The following TBC1D30 variants were observed in gnomAD, a reference collection of about 807,000 sequenced individuals.
The protein encoded by TBC1D30 is TBC1 domain family member 30, also known as TBC1 domain family, member 30.
TBC1D30 carries 31 observed loss-of-function variants against 63.2 expected under a neutral mutation model. That is an observed-to-expected ratio of 0.49 (90% CI 0.37 to 0.66). The LOEUF (loss-of-function observed/expected upper bound fraction) is 0.66. Among genes scored for constraint, TBC1D30 ranks in the 30% least tolerant of loss-of-function variants. The pLI is 0.00. For synonymous variants in TBC1D30, 307 were observed against 361.5 expected, an observed-to-expected ratio of 0.85 and a Z score of 1.71; for missense variants, 810 against 953.6, an observed-to-expected ratio of 0.85 and a Z score of 1.98.
chr12:64,801,668 A>T lies in TBC1D30; in HGVS notation c.643+15623A>T, dbSNP rs565624090. Reference sequence around the variant, plus strand: ...TTAAAAGCATTTTGAGAGTATAGCAATTATCCAGTAAACATTTATTAATTG... The same window carrying T: ...TTAAAAGCATTTTGAGAGTATAGCATTTATCCAGTAAACATTTATTAATTG... On this transcript the variant is annotated intron_variant, in intron 2 of 12. Transcript: ENST00000542120. Among the ~76,000 whole-genome samples, 12 of 152,336 alleles carry T rather than the reference A, an allele frequency of 7.9e-5. No homozygotes were observed. The South Asian group carries it at 2.5e-3, about 32-fold the overall frequency.
chr12:64,767,804 G>T (rs1186654360), intron 1 of TBC1D30, among the ~76,000 whole-genome samples: 4 of 122,524 alleles, frequency 3.3e-5, no homozygotes, highest in South Asian at 3.3e-4. Context: ...GGGGGGGAGG[G>T]GGGGGAGATA....
At chr12:64,785,456 CTTT>C (rs5798757) in intron 1 of TBC1D30, among the ~76,000 whole-genome samples, 2 of 147,908 alleles carry the variant, frequency 1.4e-5, no homozygotes, top group African/African-American at 4.9e-5. Flanking sequence ...CCTTTAAAGA[CTTT>C]TTTTTTTTTT....
Position 64,832,270 on chromosome 12 carries a change from A to G in TBC1D30, c.560A>G (p.Glu187Gly). The change falls in exon 5 of 12, where the codon GAA becomes GGA. Residue 187 changes from glutamate (E) to glycine (G), a missense_variant. Around this residue, in one of 4 missense-constraint regions of TBC1D30, gnomAD observed 272 missense variants for 335.9 expected, o/e 0.81. Coordinates refer to ENST00000539867, the MANE Select transcript of TBC1D30 (RefSeq NM_015279.2). ...AACATCCTGGCTGCACTAATTCTGG[A>G]AGTGATGGAAGGCAATGAAGGGGAT... ...GFNILAALIL[E>G]VMEGNEGDAL... The G allele has an allele frequency of 6.5e-7, 1 of 1,536,076 alleles. No homozygotes were observed.
chr12:64,832,083 A>G, intron 4 of TBC1D30, 36 bp from the exon 5 acceptor site: 1 of 1,479,910 alleles, frequency 6.8e-7, no homozygotes, highest in Non-Finnish European at 9.0e-7. Context: ...GAATATTAGG[A>G]GTTATTTTTG....
chr12:64,789,761 A>C (rs964490708), intron 2 of TBC1D30, among the ~76,000 whole-genome samples: 1 of 152,202 alleles, frequency 6.6e-6, no homozygotes, highest in Admixed American at 6.5e-5. Flanking sequence ...TCAATATTGT[A>C]TTATAGAAGA....
At chr12:64,863,268 G>C (rs1365017866) in intron 8 of TBC1D30, among the ~76,000 whole-genome samples, 8 of 152,154 alleles carry the variant, frequency 5.3e-5, no homozygotes. Context: ...TCTCCTCTCA[G>C]AGGTAACCAC....
chr12:64,849,985 C>T (rs1314135451), intron 8 of TBC1D30, among the ~76,000 whole-genome samples: 1 of 152,188 alleles, frequency 6.6e-6, no homozygotes, highest in Non-Finnish European at 1.5e-5. Context: ...AGAGGTCCTT[C>T]ACATCCCTTG....
intron 9 of TBC1D30, among the ~76,000 whole-genome samples, chr12:64,865,363 G>A (rs752328847): frequency 2.0e-5 from 3 of 151,102 alleles, no homozygotes; most frequent in Non-Finnish European, 4.4e-5. Flanking sequence ...AATTGGAAAG[G>A]CCTTAATAAC....
chr12:64,776,506 A>G (rs1011281315), upstream of TBC1D30, among the ~76,000 whole-genome samples: 2 of 152,194 alleles, frequency 1.3e-5, no homozygotes, highest in Admixed American at 1.3e-4. Context: ...TAGAAAATCT[A>G]AAAGAAATGG....
chr12:64,794,477 G>A (rs1385011119), intron 2 of TBC1D30, among the ~76,000 whole-genome samples: 2 of 151,170 alleles, frequency 1.3e-5, no homozygotes, highest in East Asian at 3.9e-4. Flanking sequence ...CTCGTCTGTT[G>A]CCCATGTTGG....
chr12:64,879,320 C>G lies in TBC1D30; in HGVS notation c.*3532C>G, dbSNP rs1879308261. ...GTGTTCATGCCAGAATTCACATAACCAGTACCTTGTCAAATAGGAGGTTTC... is the reference window on the plus strand; with the variant it reads ...GTGTTCATGCCAGAATTCACATAACGAGTACCTTGTCAAATAGGAGGTTTC... On this transcript the variant is annotated 3_prime_UTR_variant, in exon 12 of 12. Transcript: ENST00000539867. 6.6e-6 allele frequency: 1 copy of G among 152,166 alleles called. No homozygotes were observed. The highest frequency in any genetic ancestry group is 1.5e-5 in the Non-Finnish European group (1 of 68,030). The allele number at this position is 152,166 out of a possible 1,614,324, so 9.4% of individuals were successfully genotyped here.
intron 2 of TBC1D30, among the ~76,000 whole-genome samples, chr12:64,816,000 TAATA>T (rs1469595343): frequency 1.3e-5 from 2 of 151,674 alleles, no homozygotes; most frequent in Non-Finnish European, 2.9e-5. Flanking sequence ...CTAAGGTTCT[TAATA>T]AATATATGAA....
At chr12:64,807,607 A>G (rs1304314065) in intron 2 of TBC1D30, among the ~76,000 whole-genome samples, 2 of 152,112 alleles carry the variant, frequency 1.3e-5, no homozygotes, top group African/African-American at 4.8e-5. Context: ...ATTTGCTCTC[A>G]ACTCCCTGTC....
rs1879200854 is a variant in TBC1D30 at position 64,877,906 on chromosome 12, G to C, written c.*2118G>C. ...AGCTCACTAGCTCCCTGATGGTCTG[G>C]GTTCAAGGAAATGGTTAATGAGGTA... On this transcript the variant is annotated 3_prime_UTR_variant, in exon 12 of 12. Transcript: ENST00000539867. 6.5e-6 allele frequency: 1 copy of C among 153,340 alleles called. No homozygotes were observed. Among genetic ancestry groups the C allele is most frequent in the Admixed American group, 6.4e-5 (1 of 15,524 alleles). 9.5% of individuals were successfully genotyped at this position (153,340 alleles called of 1,614,324 possible).
rs925072251 is a variant in TBC1D30, at chr12:64,877,915, A to C, written c.*2127A>C. The C allele has an allele frequency of 6.5e-6, 1 of 153,334 alleles. No individual in the cohort carries two copies. The highest frequency in any genetic ancestry group is 1.5e-5 in the Non-Finnish European group (1 of 68,770). The allele number at this position is 153,334 out of a possible 1,614,324, so 9.5% of individuals were successfully genotyped here. ...GCTCCCTGATGGTCTGGGTTCAAGG[A>C]AATGGTTAATGAGGTAGAGGCCACT... On this transcript the variant is annotated 3_prime_UTR_variant, in exon 12 of 12. Transcript: ENST00000539867.
rs189665776 is a variant in TBC1D30 at position 64,801,068 on chromosome 12, T to C, written c.643+15023T>C. Among the ~76,000 whole-genome samples the C allele has an allele frequency of 2.2e-3, 342 of 152,324 alleles. 2 individuals are homozygous for C. Among genetic ancestry groups the C allele is most frequent in the African/African-American group, 7.8e-3 (325 of 41,568 alleles). On this transcript the variant is annotated intron_variant, in intron 2 of 12. Transcript: ENST00000542120. ...GTTAGAATTGATGAATTTTTCCTCC[T>C]CTGAACCTCACCATTCCCTATACTT...
At chr12:64,870,103 TAGTGATAC>T (rs1211633244) in intron 10 of TBC1D30, among the ~76,000 whole-genome samples, 1 of 152,224 alleles carries the variant, frequency 6.6e-6, no homozygotes, top group Non-Finnish European at 1.5e-5. Flanking sequence ...GCATTCATTC[TAGTGATAC>T]AGTGGTCTGA....
rs370923389 is a variant in TBC1D30, at chr12:64,878,384, C to G, written c.*2596C>G. On this transcript the variant is annotated 3_prime_UTR_variant, in exon 12 of 12. Transcript: ENST00000539867. ...GTATGCAAACACCAGAAGTACTTAACAAGTAGTGGTTTCTTGATTTTTAGA... is the reference window on the plus strand; with the variant it reads ...GTATGCAAACACCAGAAGTACTTAAGAAGTAGTGGTTTCTTGATTTTTAGA... The G allele has an allele frequency of 2.9e-5, 13 of 455,388 alleles. No individual in the cohort carries two copies. Among genetic ancestry groups the G allele is most frequent in the Admixed American group, 2.1e-4 (9 of 42,422 alleles). The allele number at this position is 455,388 out of a possible 1,614,324, so 28.2% of individuals were successfully genotyped here. A position where few individuals can be genotyped will look rare whatever the true frequency, so the allele number is the denominator to read the frequency against.
At chr12:64,789,096 A>G (rs943154333) in intron 2 of TBC1D30, among the ~76,000 whole-genome samples, 1 of 151,914 alleles carries the variant, frequency 6.6e-6, no homozygotes, top group Non-Finnish European at 1.5e-5. Flanking sequence ...AGAAGTTCAG[A>G]TAATCCCCAT....
Sources: allele counts gnomAD v4.1 joint callset (sites outside exome capture counted in the v4.1 genomes callset), GRCh38; gene constraint gnomAD v4.1.1; regional missense constraint gnomAD v4.1.1; transcripts MANE v1.5; gene names NCBI Gene and HGNC (gene_info 2026-07-23, HGNC 2026-07-21).